ZZZ3: variants seen among roughly 807,000 people sequenced by gnomAD.
The protein encoded by ZZZ3 is zinc finger ZZ-type containing 3.
ZZZ3 carries 22 observed loss-of-function variants against 95.2 expected under a neutral mutation model. The ratio of observed to expected loss-of-function variants is 0.23; its 90% CI spans 0.17 to 0.33. ZZZ3 has a LOEUF of 0.33. ZZZ3 is among the 10% of genes least tolerant of loss of function. The pLI is 1.00. For missense variants in ZZZ3, 885 were observed against 1,066.5 expected (o/e 0.83, Z 2.37); for synonymous variants, 335 against 358.9 (o/e 0.93, Z 0.75).
chr1:77,597,408 C>G lies in ZZZ3; in HGVS notation c.1506-12753G>C, dbSNP rs991430120. Among the ~76,000 whole-genome samples, 3 of 152,220 alleles carry G rather than the reference C, an allele frequency of 2.0e-5. No homozygotes were observed. In the South Asian group the frequency reaches 6.2e-4, roughly 32 times the overall value. On this transcript the variant is annotated intron_variant, in intron 5 of 14. Coordinates refer to ENST00000370801, the MANE Select transcript of ZZZ3 (RefSeq NM_015534.6). Reference sequence around the variant, plus strand: ...CCTCAAGAATAGGGAACGCAGCTCCCCATTCCTTCAGTGTGGCCTGTGCAT... The same window carrying G: ...CCTCAAGAATAGGGAACGCAGCTCCGCATTCCTTCAGTGTGGCCTGTGCAT...
chr1:77,592,554 G>A lies in ZZZ3; in HGVS notation c.1506-7899C>T, dbSNP rs191376664. On this transcript the variant is annotated intron_variant, in intron 5 of 14. Transcript: ENST00000370801. ...TGACCTCAAGTGACCTGCCCACCCC[G>A]GCCTCCCAAAGTGTTGGGATTACAG... Among the ~76,000 whole-genome samples, 384 of 152,048 alleles carry A rather than the reference G, an allele frequency of 2.5e-3. 8 individuals carry two copies. Among genetic ancestry groups the A allele is most frequent in the Non-Finnish European group, 4.4e-4 (30 of 67,972 alleles).
intron 5 of ZZZ3, among the ~76,000 whole-genome samples, chr1:77,602,111 T>C (rs1019652646): frequency 2.6e-5 from 4 of 152,146 alleles, no homozygotes; most frequent in South Asian, 2.1e-4. Flanking sequence ...CCAACTATAA[T>C]TGGAAACCAT....
At chr1:77,650,471 C>T (rs943396779) in intron 1 of ZZZ3, among the ~76,000 whole-genome samples, 2 of 151,674 alleles carry the variant, frequency 1.3e-5, no homozygotes, top group Non-Finnish European at 2.9e-5. Flanking sequence ...CTCGAAAATC[C>T]TCAAATACCT....
intron 5 of ZZZ3, among the ~76,000 whole-genome samples, chr1:77,610,725 G>A (rs932785584): frequency 1.3e-5 from 2 of 151,410 alleles, no homozygotes; most frequent in African/African-American, 4.9e-5. Flanking sequence ...CATTTCAATT[G>A]GTGCAGAAAA....
intron 5 of ZZZ3, among the ~76,000 whole-genome samples, chr1:77,626,354 T>A (rs561875124): frequency 2.0e-5 from 3 of 152,204 alleles, no homozygotes; most frequent in Non-Finnish European, 2.9e-5. Flanking sequence ...CATTGTAATA[T>A]CTAATGAAAT....
intron 1 of ZZZ3, among the ~76,000 whole-genome samples, chr1:77,657,725 C>G (rs1215641376): frequency 6.6e-6 from 1 of 151,966 alleles, no homozygotes; most frequent in Admixed American, 6.6e-5. Flanking sequence ...TCTAGGACCC[C>G]AAGTATAGGT....
At chr1:77,650,734 G>T (rs1168956252) in intron 1 of ZZZ3, among the ~76,000 whole-genome samples, 4 of 149,140 alleles carry the variant, frequency 2.7e-5, no homozygotes, top group African/African-American at 9.8e-5. Context: ...AGAAATCAAT[G>T]AAATAGAAAA....
At chr1:77,593,871 T>A (rs1412592836) in intron 5 of ZZZ3, among the ~76,000 whole-genome samples, 3 of 152,168 alleles carry the variant, frequency 2.0e-5, no homozygotes, top group Non-Finnish European at 4.4e-5. Context: ...CATGGAACTT[T>A]ATTCAAGTCA....
intron 5 of ZZZ3, among the ~76,000 whole-genome samples, chr1:77,631,331 A>C (rs1338081126): frequency 1.3e-5 from 2 of 152,200 alleles, no homozygotes; most frequent in Non-Finnish European, 2.9e-5. Flanking sequence ...TGTTAATAGT[A>C]ATATCCACTT....
intron 1 of ZZZ3, among the ~76,000 whole-genome samples, chr1:77,659,973 C>G (rs1294897872): frequency 6.6e-6 from 1 of 152,042 alleles, no homozygotes; most frequent in Non-Finnish European, 1.5e-5. Flanking sequence ...GCTAGGACTA[C>G]AGGGGCTTGC....
chr1:77,681,038 C>A (rs1023992607), intron 1 of ZZZ3, among the ~76,000 whole-genome samples: 2 of 152,140 alleles, frequency 1.3e-5, no homozygotes, highest in African/African-American at 4.8e-5. Flanking sequence ...TAAGTCTTGA[C>A]AAACAGGCAT....
intron 1 of ZZZ3, among the ~76,000 whole-genome samples, chr1:77,676,316 G>A (rs946342523): frequency 2.6e-5 from 4 of 152,130 alleles, no homozygotes; most frequent in Admixed American, 6.5e-5. Flanking sequence ...ACAGGCGCAC[G>A]CCACCACACC....
intron 5 of ZZZ3, among the ~76,000 whole-genome samples, chr1:77,589,374 T>C (rs1223641786): frequency 1.3e-5 from 2 of 152,120 alleles, no homozygotes; most frequent in African/African-American, 2.4e-5. Flanking sequence ...TCCTGACATC[T>C]GAAGAGAACA....
At chr1:77,629,392 C>G (rs1365044858) in intron 5 of ZZZ3, among the ~76,000 whole-genome samples, 3 of 152,132 alleles carry the variant, frequency 2.0e-5, no homozygotes, top group Non-Finnish European at 4.4e-5. Flanking sequence ...CCAAGGCGGG[C>G]AGATCGCTCG....
intron 5 of ZZZ3, among the ~76,000 whole-genome samples, chr1:77,627,832 C>T (rs115156297): frequency 4.0e-3 from 607 of 152,262 alleles, no homozygotes; most frequent in Non-Finnish European, 6.7e-3. Flanking sequence ...CTAAATTTGA[C>T]TTTTCACCCC....
At chr1:77,622,203 C>T (rs1481324209) in intron 5 of ZZZ3, among the ~76,000 whole-genome samples, 1 of 150,180 alleles carries the variant, frequency 6.7e-6, no homozygotes, top group East Asian at 1.9e-4. Flanking sequence ...GCTACTCAGG[C>T]AGCTGAGGTG....
chr1:77,660,548 A>T (rs1570637649), intron 1 of ZZZ3, among the ~76,000 whole-genome samples: 1 of 152,174 alleles, frequency 6.6e-6, no homozygotes. Flanking sequence ...AACATGTCAG[A>T]ATCTCCTTCC....
intron 1 of ZZZ3, chr1:77,645,255 T>A (rs1362982859): frequency 1.3e-5 from 2 of 152,146 alleles, no homozygotes; most frequent in African/African-American, 4.8e-5. Context: ...AATCAATTAA[T>A]TAAAAGAAAT....
intron 1 of ZZZ3, among the ~76,000 whole-genome samples, chr1:77,664,842 A>C (rs1390526624): frequency 6.6e-6 from 1 of 152,246 alleles, no homozygotes; most frequent in Non-Finnish European, 1.5e-5. Flanking sequence ...TATTAATGAA[A>C]TGTTCTTAAT....
Sources: allele counts gnomAD v4.1 joint callset (sites outside exome capture counted in the v4.1 genomes callset), GRCh38; gene constraint gnomAD v4.1.1; transcripts MANE v1.5; gene names NCBI Gene and HGNC (gene_info 2026-07-23, HGNC 2026-07-21).